CCDC102B: variants seen among roughly 807,000 people sequenced by gnomAD.
CCDC102B encodes the protein coiled-coil domain containing 102B, also known as coiled-coil domain-containing protein 102B.
In CCDC102B, 75 loss-of-function variants were observed where a neutral mutation model predicts 57.4. The ratio of observed to expected loss-of-function variants is 1.31; its 90% CI spans 1.08 to 1.58. The LOEUF is 1.58. CCDC102B is among the 40% of genes most tolerant of loss of function. The pLI is 0.00. For missense variants in CCDC102B, 636 were observed against 582.6 expected, an observed-to-expected ratio of 1.09 and a Z score of -0.94; for synonymous variants, 206 against 201.9, an observed-to-expected ratio of 1.02 and a Z score of -0.17.
intron 6 of CCDC102B, among the ~76,000 whole-genome samples, chr18:68,981,552 A>C (rs1008082265): frequency 6.6e-6 from 1 of 152,050 alleles, no homozygotes; most frequent in African/African-American, 2.4e-5. Flanking sequence ...AAAAACAAAC[A>C]AACAAAAAAA....
intron 2 of CCDC102B, among the ~76,000 whole-genome samples, chr18:68,737,726 T>G (rs991675402): frequency 6.6e-6 from 1 of 152,170 alleles, no homozygotes; most frequent in African/African-American, 2.4e-5. Context: ...AGCAGCCCTG[T>G]TTCTTCATGA....
intron 7 of CCDC102B, among the ~76,000 whole-genome samples, chr18:69,053,099 G>T (rs2145503594): frequency 6.6e-6 from 1 of 151,782 alleles, no homozygotes; most frequent in East Asian, 1.9e-4. Flanking sequence ...CAGGGCTGGA[G>T]ACAATATAAA....
chr18:69,006,565 G>T (rs2145376623), intron 6 of CCDC102B, among the ~76,000 whole-genome samples: 1 of 150,084 alleles, frequency 6.7e-6, no homozygotes, highest in South Asian at 2.1e-4. Context: ...GGGACTACAG[G>T]CACATGCCAC....
intron 6 of CCDC102B, among the ~76,000 whole-genome samples, chr18:68,909,632 A>G (rs2040769390): frequency 6.6e-6 from 1 of 152,210 alleles, no homozygotes; most frequent in Non-Finnish European, 1.5e-5. Flanking sequence ...AATATACAAA[A>G]TATAATATTT....
intron 6 of CCDC102B, among the ~76,000 whole-genome samples, chr18:69,002,628 G>A (rs1343774531): frequency 1.3e-5 from 2 of 152,102 alleles, no homozygotes; most frequent in Non-Finnish European, 2.9e-5. Flanking sequence ...TCTTTTTCCT[G>A]TTAATCACAG....
chr18:69,025,609 G>A (rs2051965534), intron 7 of CCDC102B, among the ~76,000 whole-genome samples: 1 of 152,180 alleles, frequency 6.6e-6, no homozygotes, highest in African/African-American at 2.4e-5. Context: ...GAAAGTTATA[G>A]ATCATAAAGC....
chr18:68,801,370 A>G (rs1428503929), intron 1 of CCDC102B, among the ~76,000 whole-genome samples: 1 of 152,172 alleles, frequency 6.6e-6, no homozygotes, highest in Non-Finnish European at 1.5e-5. Flanking sequence ...GCTCAAGGCC[A>G]TTTAATTGTA....
chr18:68,806,928 A>T (rs369411097), intron 1 of CCDC102B, among the ~76,000 whole-genome samples: 2 of 152,180 alleles, frequency 1.3e-5, no homozygotes, highest in Non-Finnish European at 2.9e-5. Context: ...TACATCTGAT[A>T]GGTGACTACC....
intron 4 of CCDC102B, among the ~76,000 whole-genome samples, chr18:68,853,672 T>TAAAAAAAAA (rs71175201): frequency 0.01 from 955 of 94,474 alleles, 131 homozygotes; most frequent in Non-Finnish European, 0.014. Context: ...CCCCAAATTG[T>TAAAAAAAAA]AAAAAAAAAA....
chr18:68,900,315 G>A (rs1315468423), intron 6 of CCDC102B: 1 of 152,066 alleles, frequency 6.6e-6, no homozygotes, highest in Non-Finnish European at 1.5e-5. Context: ...TATGCTTTGA[G>A]GAAGAGAAAT....
At chr18:68,941,413 G>T (rs1188002286) in intron 6 of CCDC102B, among the ~76,000 whole-genome samples, 1 of 151,852 alleles carries the variant, frequency 6.6e-6, no homozygotes, top group Non-Finnish European at 1.5e-5. Context: ...TGAAAGCTAG[G>T]TCTAAATTTA....
chr18:68,767,937 CTT>C (rs2144606297), intron 2 of CCDC102B, among the ~76,000 whole-genome samples: 1 of 151,842 alleles, frequency 6.6e-6, no homozygotes, highest in African/African-American at 2.4e-5. Context: ...TATGATTATA[CTT>C]ATATATAGTT....
intron 5 of CCDC102B, among the ~76,000 whole-genome samples, chr18:68,879,019 G>A (rs1299758204): frequency 3.3e-5 from 5 of 152,124 alleles, no homozygotes; most frequent in African/African-American, 1.2e-4. Context: ...CTTCTGGTGG[G>A]TTCGTGGTCT....
Position 68,995,248 on chromosome 18 carries a change from G to T in CCDC102B, c.1264-15686G>T, listed in dbSNP as rs145695347. ...TTTGGGAAATTTGCAGCCTGACAAT[G>T]CTATAGAAAAGAAAACTCATTTTCT... On this transcript the variant is annotated intron_variant, in intron 6 of 7. Coordinates refer to ENST00000360242, the MANE Select transcript of CCDC102B (RefSeq NM_024781.3). Among the ~76,000 whole-genome samples, 443 of 152,260 alleles carry T rather than the reference G, an allele frequency of 2.9e-3. 1 individual carries two copies. The highest frequency in any genetic ancestry group is 9.9e-3 in the African/African-American group (412 of 41,546).
At chr18:69,025,247 A>G (rs1405126547) in intron 7 of CCDC102B, among the ~76,000 whole-genome samples, 2 of 152,190 alleles carry the variant, frequency 1.3e-5, no homozygotes, top group Non-Finnish European at 2.9e-5. Flanking sequence ...TAATAAACAG[A>G]ATATAATTAG....
chr18:69,051,830 A>T (rs181414170), intron 7 of CCDC102B, among the ~76,000 whole-genome samples: 1 of 152,112 alleles, frequency 6.6e-6, no homozygotes, highest in South Asian at 2.1e-4. Flanking sequence ...ATGTGTTTGT[A>T]TAGGAAAAAA....
chr18:68,813,774 T>TATA (rs2036365181), intron 1 of CCDC102B, among the ~76,000 whole-genome samples: 1 of 145,962 alleles, frequency 6.9e-6, no homozygotes, highest in Non-Finnish European at 1.5e-5. Context: ...AAATATAATT[T>TATA]TATATATATA....
At chr18:68,918,331 ACT>A (rs2041150165) in intron 6 of CCDC102B, among the ~76,000 whole-genome samples, 2 of 152,000 alleles carry the variant, frequency 1.3e-5, no homozygotes, top group African/African-American at 4.8e-5. Context: ...TTTAACATTC[ACT>A]GATTTTTTTT....
intron 6 of CCDC102B, among the ~76,000 whole-genome samples, chr18:69,008,074 A>G (rs2051401002): frequency 6.6e-6 from 1 of 152,270 alleles, no homozygotes; most frequent in East Asian, 1.9e-4. Flanking sequence ...ATCAACTTGC[A>G]AAGTTATAAC....
Sources: allele counts gnomAD v4.1 joint callset (sites outside exome capture counted in the v4.1 genomes callset), GRCh38; gene constraint gnomAD v4.1.1; transcripts MANE v1.5; gene names NCBI Gene and HGNC (gene_info 2026-07-23, HGNC 2026-07-21).